The following LRRTM4 variants were observed in gnomAD, a reference collection of about 807,000 sequenced individuals.
LRRTM4 encodes leucine rich repeat transmembrane neuronal 4, also known as leucine-rich repeat transmembrane neuronal protein 4.
LRRTM4 carries 25 observed loss-of-function variants against 47.6 expected under a neutral mutation model. The ratio of observed to expected loss-of-function variants is 0.53; its 90% CI spans 0.38 to 0.73. The LOEUF is 0.73. LRRTM4 is among the 30% of genes least tolerant of loss of function. The pLI is 0.00. For missense variants in LRRTM4, 638 were observed against 713.4 expected, an observed-to-expected ratio of 0.89 and a Z score of 1.20; for synonymous variants, 311 against 269.5, an observed-to-expected ratio of 1.15 and a Z score of -1.51.
At chr2:76,910,381 G>T (rs966255023) in intron 3 of LRRTM4, among the ~76,000 whole-genome samples, 10 of 151,662 alleles carry the variant, frequency 6.6e-5, no homozygotes, top group Non-Finnish European at 1.3e-4. Flanking sequence ...AACATTGGGA[G>T]ATATACCTAA....
chr2:77,084,380 G>A (rs912027455), intron 3 of LRRTM4, among the ~76,000 whole-genome samples: 3 of 152,170 alleles, frequency 2.0e-5, no homozygotes, highest in Admixed American at 2.0e-4. Context: ...TGAGGACTTT[G>A]TGAACAGAGA....
intron 3 of LRRTM4, among the ~76,000 whole-genome samples, chr2:77,011,531 T>TTGTGTGTGTGTGTGTG (rs56982328): frequency 6.9e-6 from 1 of 144,044 alleles, no homozygotes; most frequent in African/African-American, 2.6e-5. Flanking sequence ...GAAGAAGCAT[T>TTGTGTGTGTGTGTGTG]TGTGTGTGTG....
At chr2:76,796,108 A>G (rs140879042) in intron 3 of LRRTM4, among the ~76,000 whole-genome samples, 13,339 of 125,216 alleles carry the variant, frequency 0.11, 1,786 homozygotes, top group East Asian at 0.23. Flanking sequence ...CTTTTCAGAC[A>G]GGCTTAAAAA....
chr2:76,868,503 T>C (rs1389599962), intron 3 of LRRTM4, among the ~76,000 whole-genome samples: 1 of 152,198 alleles, frequency 6.6e-6, no homozygotes, highest in Admixed American at 6.5e-5. Context: ...TGAATACACA[T>C]GTTAAACTCC....
In LRRTM4 at chr2:77,131,481, A is replaced by G. The variant is rs1363668367; in HGVS notation, c.1552-382565T>C. Among the ~76,000 whole-genome samples, 3 of 152,196 alleles carry G rather than the reference A, an allele frequency of 2.0e-5. No homozygotes were observed. The East Asian group carries it at 5.8e-4, about 29-fold the overall frequency. ...TAGCCTGTCTTTTGCTCAGTAATAT[A>G]AACACATGTGTTTGGGATCTTACCT... On this transcript the variant is annotated intron_variant, in intron 3 of 3. Coordinates refer to ENST00000409884, the MANE Select transcript of LRRTM4 (RefSeq NM_001134745.3).
intron 3 of LRRTM4, among the ~76,000 whole-genome samples, chr2:77,299,304 C>G (rs533956751): frequency 6.7e-6 from 1 of 149,908 alleles, no homozygotes; most frequent in Non-Finnish European, 1.5e-5. Context: ...TGTATATATA[C>G]ACGTATATAC....
At chr2:76,852,088 C>G (rs1474802657) in intron 3 of LRRTM4, among the ~76,000 whole-genome samples, 1 of 152,106 alleles carries the variant, frequency 6.6e-6, no homozygotes, top group Admixed American at 6.6e-5. Flanking sequence ...ACTATTGCTA[C>G]TCAATGTGCT....
At chr2:77,319,101 T>A (rs1343465481) in intron 3 of LRRTM4, among the ~76,000 whole-genome samples, 2 of 151,910 alleles carry the variant, frequency 1.3e-5, no homozygotes. Flanking sequence ...TAGCCAGCCC[T>A]GGGATGGGCG....
rs190635164 is a variant in LRRTM4, at chr2:77,039,726, T to C, written c.1552-290810A>G. ...CCTTACATTAGAATGTTCCCTTTTTTCATGTTAGTCATTTCTAAGAAATAT... is the reference window on the plus strand; with the variant it reads ...CCTTACATTAGAATGTTCCCTTTTTCCATGTTAGTCATTTCTAAGAAATAT... On this transcript the variant is annotated intron_variant, in intron 3 of 3. Coordinates refer to ENST00000409884, the MANE Select transcript of LRRTM4 (RefSeq NM_001134745.3). 4.0e-5 allele frequency among the ~76,000 whole-genome samples: 6 copies of C among 151,418 alleles called. No individual in the cohort carries two copies. The East Asian group carries it at 9.7e-4, about 24-fold the overall frequency.
At chr2:76,812,940 G>A (rs767668929) in intron 3 of LRRTM4, among the ~76,000 whole-genome samples, 4 of 151,756 alleles carry the variant, frequency 2.6e-5, no homozygotes, top group East Asian at 3.9e-4. Flanking sequence ...TTGTGAGAAC[G>A]TTTGCCCATT....
rs1367554143 is a variant in LRRTM4 at position 76,799,516 on chromosome 2, C to G, written c.1552-50600G>C. Among the ~76,000 whole-genome samples the G allele has an allele frequency of 7.8e-4, 113 of 144,102 alleles. 4 individuals carry two copies. Among genetic ancestry groups the G allele is most frequent in the Middle Eastern group, 3.5e-3 (1 of 282 alleles). The allele number at this position is 144,102 out of a possible 152,430, so 94.5% of individuals were successfully genotyped here. On this transcript the variant is annotated intron_variant, in intron 3 of 3. Transcript: ENST00000409884. ...TATCATACTGAATGGGCAAAAACTGCAAGCATTCCCTTTGAAAACTGGCAC... is the reference window on the plus strand; with the variant it reads ...TATCATACTGAATGGGCAAAAACTGGAAGCATTCCCTTTGAAAACTGGCAC...
chr2:77,358,979 G>A (rs1672075421), intron 3 of LRRTM4, among the ~76,000 whole-genome samples: 1 of 152,026 alleles, frequency 6.6e-6, no homozygotes, highest in Non-Finnish European at 1.5e-5. Context: ...CTTATTGAAT[G>A]ATGAAAGAAT....
chr2:76,817,437 C>A lies in LRRTM4; in HGVS notation c.1552-68521G>T, dbSNP rs535967279. 7.1e-4 allele frequency among the ~76,000 whole-genome samples: 108 copies of A among 152,024 alleles called. 1 individual carries two copies. Among genetic ancestry groups the A allele is most frequent in the African/African-American group, 2.6e-3 (108 of 41,532 alleles). ...TGGGGTGAGCATGTAGGAGATAGAG[C>A]AATGAACATTTTCGAGTTATGAGGC... On this transcript the variant is annotated intron_variant, in intron 3 of 3. Coordinates refer to ENST00000409884, the MANE Select transcript of LRRTM4 (RefSeq NM_001134745.3).
At chr2:76,924,615 C>T (rs1480275922) in intron 3 of LRRTM4, among the ~76,000 whole-genome samples, 3 of 150,830 alleles carry the variant, frequency 2.0e-5, no homozygotes, top group Non-Finnish European at 4.4e-5. Flanking sequence ...GCACATTAGT[C>T]TCAACACTAC....
intron 3 of LRRTM4, among the ~76,000 whole-genome samples, chr2:76,842,741 C>CTGTT (rs1558688095): frequency 1.3e-5 from 2 of 150,722 alleles, no homozygotes; most frequent in Non-Finnish European, 1.5e-5. Context: ...GTTTGTTTGT[C>CTGTT]TGTTTTTAAG....
intron 3 of LRRTM4, among the ~76,000 whole-genome samples, chr2:77,395,756 T>C (rs1673676247): frequency 6.6e-6 from 1 of 151,824 alleles, no homozygotes; most frequent in Non-Finnish European, 1.5e-5. Flanking sequence ...ATTTTTGAAA[T>C]ATCTATGCTT....
chr2:77,013,924 G>A (rs1677962912), intron 3 of LRRTM4, among the ~76,000 whole-genome samples: 2 of 152,198 alleles, frequency 1.3e-5, no homozygotes, highest in African/African-American at 4.8e-5. Flanking sequence ...GTAAAATTAA[G>A]ATCATTGTAT....
chr2:77,001,193 T>G (rs1677414166), intron 3 of LRRTM4, among the ~76,000 whole-genome samples: 2 of 152,168 alleles, frequency 1.3e-5, no homozygotes, highest in African/African-American at 4.8e-5. Context: ...CAGAGAAACC[T>G]GTACCAGCCC....
At chr2:77,502,391 A>G (rs897551445) in intron 3 of LRRTM4, among the ~76,000 whole-genome samples, 2 of 151,520 alleles carry the variant, frequency 1.3e-5, no homozygotes, top group Non-Finnish European at 3.0e-5. Flanking sequence ...TTTATATTAA[A>G]AAACTGGGCC....
Sources: gnomAD v4.1 joint callset for allele counts (sites outside exome capture counted in the v4.1 genomes callset) on GRCh38, gnomAD v4.1.1 for gene constraint, MANE v1.5 for transcripts, NCBI Gene and HGNC (gene_info 2026-07-23, HGNC 2026-07-21) for gene names.